Variants in MAGI2 observed in about 807,000 individuals in gnomAD.
MAGI2 encodes the protein membrane-associated guanylate kinase, WW and PDZ domain-containing protein 2.
MAGI2 carries 35 observed loss-of-function variants against 133.3 expected under a neutral mutation model. That is an observed-to-expected ratio of 0.26 (90% CI 0.20 to 0.35). MAGI2 has a LOEUF of 0.35. Among genes scored for constraint, MAGI2 ranks in the 10% least tolerant of loss-of-function variants. The pLI is 1.00. For missense variants in MAGI2, 1,636 were observed against 1,863.4 expected (o/e 0.88, Z 2.25); for synonymous variants, 729 against 710.6 (o/e 1.03, Z -0.41).
At chr7:79,206,723 A>G (rs1829091099) in intron 1 of MAGI2, among the ~76,000 whole-genome samples, 1 of 151,988 alleles carries the variant, frequency 6.6e-6, no homozygotes, top group African/African-American at 2.4e-5. Flanking sequence ...TTATGTGGCC[A>G]GTACCACCCT....
At position 78,019,808 on chromosome 7, in the gene MAGI2, T is replaced by A; in HGVS notation, c.3875A>T (p.His1292Leu). 3 of 1,613,324 alleles carry A rather than the reference T, an allele frequency of 1.9e-6. No homozygotes were observed. Among genetic ancestry groups the A allele is most frequent in the Non-Finnish European group, 1.7e-6 (2 of 1,179,846 alleles). ...AAGCTCCTTTGGTTTCCTAACGTCGTGTTCCCGTTTGATATCCCAAGTTGG... is the reference window on the plus strand; with the variant it reads ...AAGCTCCTTTGGTTTCCTAACGTCGAGTTCCCGTTTGATATCCCAAGTTGG... Reference protein sequence around the residue: ...PGPTWDIKREHDVRKPKELSA... With the variant: ...PGPTWDIKRELDVRKPKELSA... The change falls in exon 22 of 22, where the codon CAC becomes CTC. Residue 1292 changes from histidine (H) to leucine (L), a missense_variant. This residue lies in a region of MAGI2 where 354 missense variants were observed against 298.7 expected (regional missense o/e 1.19). Transcript: ENST00000354212.
chr7:78,444,360 C>T (rs1341317250), intron 6 of MAGI2, among the ~76,000 whole-genome samples: 2 of 152,016 alleles, frequency 1.3e-5, no homozygotes, highest in African/African-American at 4.8e-5. Context: ...GCATTTTGGT[C>T]CATCAGTAGG....
chr7:78,185,422 A>G, intron 13 of MAGI2: 2 of 406,886 alleles, frequency 4.9e-6, no homozygotes, highest in East Asian at 3.6e-5. Flanking sequence ...ATTCATGAAT[A>G]TGACTGTTTT....
At chr7:79,121,960 A>G (rs10271074) in intron 1 of MAGI2, among the ~76,000 whole-genome samples, 13,961 of 152,134 alleles carry the variant, frequency 0.092, 1,360 homozygotes, top group African/African-American at 0.25. Context: ...TTTCTCTTTC[A>G]TACTTTCAAA....
intron 1 of MAGI2, among the ~76,000 whole-genome samples, chr7:79,087,095 C>T (rs1249344874): frequency 6.6e-6 from 1 of 151,674 alleles, no homozygotes; most frequent in Non-Finnish European, 1.5e-5. Flanking sequence ...TACCATTTCC[C>T]TTCATAAATA....
intron 1 of MAGI2, among the ~76,000 whole-genome samples, chr7:79,013,200 C>A (rs750564730): frequency 1.2e-4 from 14 of 113,458 alleles, no homozygotes; most frequent in Admixed American, 8.5e-5. Flanking sequence ...AATTATTTTA[C>A]TATTTACTTA....
chr7:79,250,674 A>G lies in MAGI2; in HGVS notation c.301+202346T>C, dbSNP rs545758217. ...AATCAATATTGTTAAAATGTTCAAG[A>G]CAATCTACAGATTTAATGCAATCTC... is the stretch of plus-strand genomic sequence containing the variant. On this transcript the variant is annotated intron_variant, in intron 1 of 21. Transcript: ENST00000354212. Among the ~76,000 whole-genome samples the G allele has an allele frequency of 2.0e-5, 3 of 152,170 alleles. No individual in the cohort carries two copies. The South Asian group carries it at 6.2e-4, about 32-fold the overall frequency.
rs1386136758 is a variant in MAGI2 at position 78,461,227 on chromosome 7, G to T, written c.1045+28534C>A. 6.6e-5 allele frequency among the ~76,000 whole-genome samples: 10 copies of T among 151,868 alleles called. No individual in the cohort carries two copies. The East Asian group carries it at 1.7e-3, about 26-fold the overall frequency. On this transcript the variant is annotated intron_variant, in intron 6 of 21. Transcript: ENST00000354212. ...GAGGTGGACATATTACCTGTGCTAGGTCAATAAAAATATTTTTAACTCTTC... is the reference window on the plus strand; with the variant it reads ...GAGGTGGACATATTACCTGTGCTAGTTCAATAAAAATATTTTTAACTCTTC...
chr7:78,603,289 GT>G (rs1403328137), intron 3 of MAGI2, among the ~76,000 whole-genome samples: 2 of 152,190 alleles, frequency 1.3e-5, no homozygotes, highest in African/African-American at 4.8e-5. Flanking sequence ...AAAGGAGGAA[GT>G]AATGAGAGGA....
At chr7:78,214,297 G>C (rs905338709) in intron 10 of MAGI2, among the ~76,000 whole-genome samples, 3 of 152,132 alleles carry the variant, frequency 2.0e-5, no homozygotes, top group Non-Finnish European at 4.4e-5. Context: ...CTTGTTTTCT[G>C]TAGTAAATCT....
At chr7:79,178,381 C>T (rs777389674) in intron 1 of MAGI2, among the ~76,000 whole-genome samples, 51 of 151,988 alleles carry the variant, frequency 3.4e-4, no homozygotes, top group Non-Finnish European at 5.9e-4. Context: ...AGATATGTCC[C>T]TATGAAAGAG....
At chr7:78,670,456 T>C (rs1029496274) in intron 2 of MAGI2, among the ~76,000 whole-genome samples, 5 of 152,214 alleles carry the variant, frequency 3.3e-5, no homozygotes, top group Non-Finnish European at 5.9e-5. Flanking sequence ...TCAATGCTCA[T>C]GGGCAGGAAG....
chr7:78,277,197 T>C (rs1795137836), intron 9 of MAGI2, among the ~76,000 whole-genome samples: 1 of 152,138 alleles, frequency 6.6e-6, no homozygotes, highest in African/African-American at 2.4e-5. Flanking sequence ...GAGTAAAATA[T>C]AGTCCTTGAT....
intron 7 of MAGI2, among the ~76,000 whole-genome samples, chr7:78,355,912 G>A (rs1385253996): frequency 1.3e-5 from 2 of 152,256 alleles, no homozygotes; most frequent in South Asian, 2.1e-4. Context: ...GTGACTGAAC[G>A]TGTTTTACCA....
intron 1 of MAGI2, among the ~76,000 whole-genome samples, chr7:79,376,116 G>C (rs1843361006): frequency 6.6e-6 from 1 of 151,612 alleles, no homozygotes; most frequent in South Asian, 2.1e-4. Flanking sequence ...TAATCTTATT[G>C]TATATGTTTA....
intron 3 of MAGI2, among the ~76,000 whole-genome samples, chr7:78,556,132 T>G (rs1799803223): frequency 6.6e-6 from 1 of 152,184 alleles, no homozygotes; most frequent in African/African-American, 2.4e-5. Context: ...TATGATAGCT[T>G]ATATTATGCC....
At chr7:79,120,407 C>T (rs1183208143) in intron 1 of MAGI2, among the ~76,000 whole-genome samples, 1 of 151,942 alleles carries the variant, frequency 6.6e-6, no homozygotes, top group Admixed American at 6.6e-5. Context: ...ATAAGAGGGC[C>T]TTAATGATGC....
intron 2 of MAGI2, among the ~76,000 whole-genome samples, chr7:78,728,145 A>G (rs1341446468): frequency 1.3e-5 from 2 of 152,210 alleles, no homozygotes; most frequent in Non-Finnish European, 2.9e-5. Flanking sequence ...AGATTATTTG[A>G]GAATAATCTG....
At chr7:79,235,887 G>A (rs753012809) in intron 1 of MAGI2, among the ~76,000 whole-genome samples, 5 of 152,084 alleles carry the variant, frequency 3.3e-5, no homozygotes, top group South Asian at 2.1e-4. Context: ...TTGTATTTTC[G>A]GGTTCTTGGC....
Sources: gnomAD v4.1 joint callset for allele counts (sites outside exome capture counted in the v4.1 genomes callset) on GRCh38, gnomAD v4.1.1 for gene constraint, gnomAD v4.1.1 regional missense constraint, MANE v1.5 for transcripts, NCBI Gene and HGNC (gene_info 2026-07-23, HGNC 2026-07-21) for gene names.